KIR2DL4: variants seen among roughly 807,000 people sequenced by gnomAD.
The protein encoded by KIR2DL4 is killer cell immunoglobulin-like receptor 2DL4.
A neutral mutation model predicts 31.0 loss-of-function variants in KIR2DL4; 41 were observed. The ratio of observed to expected loss-of-function variants is 1.32; its 90% CI spans 1.03 to 1.72. KIR2DL4 has a LOEUF of 1.72. Ranked by LOEUF, KIR2DL4 falls within the 40% of genes most tolerant of loss-of-function variation. KIR2DL4 has a pLI of 0.00. For missense variants in KIR2DL4, 438 were observed against 353.7 expected (o/e 1.24, Z -1.91); for synonymous variants, 164 against 133.6 (o/e 1.23, Z -1.57).
At chr19:54,811,944 T>C (rs2060889201) in intron 5 of KIR2DL4, among the ~76,000 whole-genome samples, 1 of 151,438 alleles carries the variant, frequency 6.6e-6, no homozygotes, top group South Asian at 2.1e-4. Flanking sequence ...TCATCATTAT[T>C]TCCTGGCTGT....
chr19:54,808,648 C>T (rs2060670541), intron 4 of KIR2DL4, among the ~76,000 whole-genome samples, 185 bp from the exon 5 acceptor site: 2 of 150,288 alleles, frequency 1.3e-5, no homozygotes, highest in South Asian at 2.1e-4. Flanking sequence ...CCTGTTTTCT[C>T]CTTATACCTT....
At chr19:54,806,038 G>C in exon 4 of KIR2DL4, 2 of 1,611,472 alleles carry the variant, frequency 1.2e-6, no homozygotes, top group South Asian at 1.1e-5. Flanking sequence ...AGCTCCCAGA[G>C]CTCCTTTGAC....
chr19:54,804,719 G>A (rs546785513), intron 2 of KIR2DL4, 74 bp from the exon 3 acceptor site: 2 of 1,477,352 alleles, frequency 1.4e-6, no homozygotes, highest in South Asian at 1.3e-5. Flanking sequence ...GAAATGGGGA[G>A]AATCTTCTGA....
intron 5 of KIR2DL4, among the ~76,000 whole-genome samples, chr19:54,809,630 G>A (rs1165743963): frequency 2.0e-5 from 3 of 151,076 alleles, no homozygotes; most frequent in African/African-American, 4.9e-5. Flanking sequence ...ACATTCCTTG[G>A]CTCCTGGTCC....
intron 4 of KIR2DL4, among the ~76,000 whole-genome samples, chr19:54,806,746 G>A (rs1204720249): frequency 2.0e-5 from 3 of 150,446 alleles, no homozygotes; most frequent in South Asian, 2.1e-4. Context: ...GGTGGCTCAT[G>A]CCTGTAATCT....
In KIR2DL4 at chr19:54,812,376, C is replaced by A. The variant is rs1199318011; in HGVS notation, c.707-749C>A. On this transcript the variant is annotated intron_variant, in intron 5 of 7. Transcript: ENST00000359085. The stretch of plus-strand genomic sequence containing the variant: ...AAAGCAGCCCAGCCTGGGTTTTGTA[C>A]CCTGGAGCCACAGGGAACACTCAGC... 5.3e-4 allele frequency among the ~76,000 whole-genome samples: 80 copies of A among 151,382 alleles called. 5 individuals are homozygous for A. Among genetic ancestry groups the A allele is most frequent in the African/African-American group, 1.9e-3 (76 of 41,028 alleles).
At chr19:54,813,347 G>T in intron 6 of KIR2DL4, 1 of 1,502,700 alleles carries the variant, frequency 6.7e-7, no homozygotes, top group Non-Finnish European at 8.9e-7. Context: ...AGGAGCCAGA[G>T]GCAGAGCTTT....
rs1459543762 is a variant in KIR2DL4, at chr19:54,811,717, G to A, written c.707-1408G>A. 4.6e-5 allele frequency among the ~76,000 whole-genome samples: 7 copies of A among 151,274 alleles called. 1 individual carries two copies. The highest frequency in any genetic ancestry group is 1.7e-4 in the African/African-American group (7 of 40,934). ...ATTAATGATACAGATAGATCATGGG[G>A]AGGTAAAAACTAATATTCTTTGGAG... is the stretch of plus-strand genomic sequence containing the variant. On this transcript the variant is annotated intron_variant, in intron 5 of 7. Transcript: ENST00000359085.
At chr19:54,803,954 C>A in intron 2 of KIR2DL4, 28 bp downstream of exon 2, 1 of 1,598,584 alleles carries the variant, frequency 6.3e-7, no homozygotes, top group Non-Finnish European at 8.5e-7. Context: ...TGATGGGTTG[C>A]CATCTTCACC....
In KIR2DL4 at chr19:54,810,425, C is replaced by A. The variant is rs555796172; in HGVS notation, c.706+1542C>A. Among the ~76,000 whole-genome samples, 93 of 151,492 alleles carry A rather than the reference C, an allele frequency of 6.1e-4. 3 individuals are homozygous for A. Among genetic ancestry groups the A allele is most frequent in the East Asian group, 1.4e-3 (7 of 5,166 alleles). ...TAGAGGCGTGAGCCAAGGCGCCGAG[C>A]CGTATTTTAAAAGAAATAATAGATA... On this transcript the variant is annotated intron_variant, in intron 5 of 7. Coordinates refer to ENST00000359085, the Ensembl canonical transcript of KIR2DL4.
chr19:54,813,745 A>G lies in KIR2DL4; in HGVS notation c.*41+3A>G, dbSNP rs1299956464. 6.2e-7 allele frequency: 1 copy of G among 1,611,522 alleles called. No individual in the cohort carries two copies. Among genetic ancestry groups the G allele is most frequent in the South Asian group, 1.1e-5 (1 of 90,588 alleles). ...GACACAGAACAGTGAACAGGGAGGT[A>G]GGTCCTCCTAGCCCAGCCTCATGGA... On this transcript the variant is annotated splice_donor_region_variant and intron_variant, in intron 7 of 7. Coordinates refer to ENST00000359085, the Ensembl canonical transcript of KIR2DL4.
At chr19:54,803,806 T>C in intron 1 of KIR2DL4, 85 bp from the exon 2 acceptor site, 2 of 1,567,614 alleles carry the variant, frequency 1.3e-6, no homozygotes, top group South Asian at 2.2e-5. Flanking sequence ...GAGTTAATTT[T>C]CAGTCCAGCG....
intron 2 of KIR2DL4, 151 bp from the exon 3 acceptor site, chr19:54,804,642 C>CGTCTAT (rs1188380204): frequency 1.1e-5 from 8 of 743,522 alleles, no homozygotes; most frequent in Non-Finnish European, 1.8e-5. Context: ...GGAGACGCCA[C>CGTCTAT]GTCTATGCGG....
rs1209957849 is a variant in KIR2DL4 at position 54,813,823 on chromosome 19, A to T, written c.*42-19A>T. 6.2e-7 allele frequency: 1 copy of T among 1,612,172 alleles called. No individual in the cohort carries two copies. The highest frequency in any genetic ancestry group is 8.5e-7 in the Non-Finnish European group (1 of 1,179,696). ...AAAATGTGAACACCCTCCCTCACTC[A>T]GGATTTCCCTCTCTCCAGGACTCTG... On this transcript the variant is annotated intron_variant, in intron 7 of 7. Transcript: ENST00000359085.
chr19:54,813,192 CT>C lies in KIR2DL4; in HGVS notation c.776del (p.Phe259SerfsTer32). The C allele has an allele frequency of 6.5e-7, 1 of 1,534,358 alleles. No individual in the cohort carries two copies. Among genetic ancestry groups the C allele is most frequent in the Admixed American group, 1.9e-5 (1 of 53,164 alleles). On this transcript the variant is annotated frameshift_variant, in exon 6 of 8. Coordinates refer to ENST00000359085, the Ensembl canonical transcript of KIR2DL4. LOFTEE classifies it high-confidence loss of function. ...CCATCATCCTCTTTACCATCCTTCC[CT>C]TCTTTCTCCTTCATCGCTGGTGCTC...
In KIR2DL4 at chr19:54,813,762, C is replaced by G. The variant is rs1483926146; in HGVS notation, c.*41+20C>G. On this transcript the variant is annotated intron_variant, in intron 7 of 7. Transcript: ENST00000359085. ...AGGGAGGTAGGTCCTCCTAGCCCAG[C>G]CTCATGGATACAGTCTTATTCCGAA... is the stretch of plus-strand genomic sequence containing the variant. 11 of 1,611,330 alleles carry G rather than the reference C, an allele frequency of 6.8e-6. No individual in the cohort carries two copies. The highest frequency in any genetic ancestry group is 1.4e-5 in the African/African-American group (1 of 74,024).
chr19:54,809,636 G>C (rs1222696427), intron 5 of KIR2DL4, among the ~76,000 whole-genome samples: 3 of 151,168 alleles, frequency 2.0e-5, no homozygotes, highest in Non-Finnish European at 2.9e-5. Flanking sequence ...CTTGGCTCCT[G>C]GTCCCCGTCT....
chr19:54,808,625 G>T (rs2147930206), intron 4 of KIR2DL4, among the ~76,000 whole-genome samples: 1 of 150,466 alleles, frequency 6.6e-6, no homozygotes. Context: ...TTTAAGTCAG[G>T]TAGTGTGATG....
intron 5 of KIR2DL4, chr19:54,813,120 TC>T: frequency 6.9e-7 from 1 of 1,450,560 alleles, no homozygotes; most frequent in Non-Finnish European, 9.5e-7. Flanking sequence ...CCCATCTTCC[TC>T]CAGGTATCGC....
Sources: allele counts gnomAD v4.1 joint callset (sites outside exome capture counted in the v4.1 genomes callset), GRCh38; gene constraint gnomAD v4.1.1; transcripts MANE v1.5; gene names NCBI Gene and HGNC (gene_info 2026-07-23, HGNC 2026-07-21).